Variants in SLC35F5 observed in about 807,000 individuals in gnomAD.
SLC35F5 encodes HCV NS5A-transactivated protein 3.
Under a neutral mutation model 68.6 loss-of-function variants are expected in SLC35F5, and 54 were observed. The ratio of observed to expected loss-of-function variants is 0.79; its 90% CI spans 0.63 to 0.99. The LOEUF is 0.99. Ranked by LOEUF, SLC35F5 falls within the 50% of genes least tolerant of loss-of-function variation. The pLI is 0.00. For synonymous variants in SLC35F5, 211 were observed against 205.2 expected (o/e 1.03, Z -0.24); for missense variants, 567 against 626.9 (o/e 0.90, Z 1.02).
chr2:113,718,083 C>A (rs1470540139), intron 14 of SLC35F5, among the ~76,000 whole-genome samples: 1 of 151,972 alleles, frequency 6.6e-6, no homozygotes, highest in African/African-American at 2.4e-5. Context: ...TACGGTCTCA[C>A]TTTTTGTTTT....
At chr2:113,722,448 C>T (rs1687482127) in intron 13 of SLC35F5, among the ~76,000 whole-genome samples, 1 of 152,046 alleles carries the variant, frequency 6.6e-6, no homozygotes, top group South Asian at 2.1e-4. Context: ...AGTTAAATGC[C>T]TACATATACT....
At chr2:113,718,851 A>G (rs1207214286) in intron 14 of SLC35F5, among the ~76,000 whole-genome samples, 1 of 147,012 alleles carries the variant, frequency 6.8e-6, no homozygotes, top group Non-Finnish European at 1.5e-5. Flanking sequence ...AGGAAAGAAA[A>G]AGAGAGAGAA....
intron 5 of SLC35F5, among the ~76,000 whole-genome samples, chr2:113,744,827 T>A (rs1291897085): frequency 3.3e-5 from 5 of 152,156 alleles, no homozygotes; most frequent in Non-Finnish European, 7.3e-5. Context: ...ACAAAACAAT[T>A]AAAGCCAGGT....
chr2:113,748,264 C>T (rs1676593196), intron 4 of SLC35F5, among the ~76,000 whole-genome samples: 2 of 152,158 alleles, frequency 1.3e-5, no homozygotes, highest in South Asian at 4.1e-4. Context: ...CTCCCGACTT[C>T]AAGCAATTCT....
In SLC35F5 at chr2:113,712,590, C is replaced by G. The variant is rs977820687; in HGVS notation, c.*2628G>C. On this transcript the variant is annotated 3_prime_UTR_variant, in exon 16 of 16. Coordinates refer to ENST00000245680, the MANE Select transcript of SLC35F5 (RefSeq NM_025181.5). ...TCGGCCTCCCAAAGTGCTGGGACTA[C>G]AGGCGTGAGCCACCACGCCCGGCCC... Among the ~76,000 whole-genome samples the G allele has an allele frequency of 6.6e-6, 1 of 152,220 alleles. No homozygotes were observed. Among genetic ancestry groups the G allele is most frequent in the African/African-American group, 2.4e-5 (1 of 41,460 alleles).
At chr2:113,722,927 G>C (rs1335609289) in intron 13 of SLC35F5, among the ~76,000 whole-genome samples, 177 bp downstream of exon 13, 3 of 152,138 alleles carry the variant, frequency 2.0e-5, no homozygotes, top group African/African-American at 7.2e-5. Context: ...GCTAAAAATG[G>C]AAATTATCTA....
At position 113,714,513 on chromosome 2, in the gene SLC35F5, CAT is replaced by C. The variant is rs529490443; in HGVS notation, c.*703_*704del. On this transcript the variant is annotated 3_prime_UTR_variant, in exon 16 of 16. Coordinates refer to ENST00000245680, the MANE Select transcript of SLC35F5 (RefSeq NM_025181.5). Reference sequence around the variant, plus strand: ...TACAGCAATATAGCCTTTAGAAATACATATTTCTTCATTTTATAATAATACTT... The same window carrying C: ...TACAGCAATATAGCCTTTAGAAATACATTTCTTCATTTTATAATAATACTT... The C allele has an allele frequency of 4.8e-4, 73 of 152,186 alleles. No homozygotes were observed. The highest frequency in any genetic ancestry group is 1.6e-3 in the African/African-American group (68 of 41,556). 9.4% of individuals were successfully genotyped at this position (152,186 alleles called of 1,614,324 possible).
chr2:113,737,249 T>C (rs1307061626), intron 7 of SLC35F5, among the ~76,000 whole-genome samples: 1 of 152,214 alleles, frequency 6.6e-6, no homozygotes, highest in South Asian at 2.1e-4. Context: ...CACATGATTG[T>C]AGAGCACTAC....
intron 3 of SLC35F5, among the ~76,000 whole-genome samples, chr2:113,752,119 G>A (rs777281247): frequency 5.3e-5 from 8 of 151,894 alleles, no homozygotes; most frequent in Non-Finnish European, 1.0e-4. Flanking sequence ...GGCTGAGGCA[G>A]GAGAATTGCT....
At chr2:113,750,387 AC>A in intron 4 of SLC35F5, 37 bp downstream of exon 4, 3 of 1,532,166 alleles carry the variant, frequency 2.0e-6, no homozygotes, top group Non-Finnish European at 2.6e-6. Flanking sequence ...ACGTATCTAT[AC>A]CCCCTTCCTA....
At chr2:113,728,981 C>T (rs1393465989) in intron 11 of SLC35F5, among the ~76,000 whole-genome samples, 1 of 152,192 alleles carries the variant, frequency 6.6e-6, no homozygotes, top group Non-Finnish European at 1.5e-5. Flanking sequence ...TACATAAGTA[C>T]ATAGACTGCG....
At chr2:113,741,648 C>T (rs113305058) in intron 7 of SLC35F5, among the ~76,000 whole-genome samples, 5 of 149,610 alleles carry the variant, frequency 3.3e-5, no homozygotes, top group African/African-American at 9.9e-5. Context: ...TTGTGGTGAG[C>T]TGAGATCGCG....
chr2:113,731,128 A>G (rs1315435215), intron 10 of SLC35F5, among the ~76,000 whole-genome samples: 1 of 152,212 alleles, frequency 6.6e-6, no homozygotes, highest in African/African-American at 2.4e-5. Context: ...ATGCAAATTG[A>G]GGAACATTCT....
chr2:113,703,358 G>A (rs1686733856), downstream of SLC35F5, among the ~76,000 whole-genome samples: 1 of 152,118 alleles, frequency 6.6e-6, no homozygotes, highest in Admixed American at 6.5e-5. Flanking sequence ...GAACAAATTA[G>A]CTTATGTAAA....
chr2:113,734,084 A>G (rs1378877926), intron 9 of SLC35F5, among the ~76,000 whole-genome samples: 1 of 152,276 alleles, frequency 6.6e-6, no homozygotes, highest in African/African-American at 2.4e-5. Flanking sequence ...ATATTTAAGT[A>G]TAGTTATCAG....
chr2:113,738,010 C>T (rs1268681941), intron 7 of SLC35F5, among the ~76,000 whole-genome samples: 1 of 152,026 alleles, frequency 6.6e-6, no homozygotes, highest in Admixed American at 6.6e-5. Context: ...AGGTATATAA[C>T]ATGATTTAAT....
At chr2:113,720,818 A>T (rs995188751) in intron 13 of SLC35F5, among the ~76,000 whole-genome samples, 5 of 152,194 alleles carry the variant, frequency 3.3e-5, no homozygotes, top group Admixed American at 3.3e-4. Context: ...AAACTTAATA[A>T]AGATAGATAA....
intron 7 of SLC35F5, chr2:113,742,395 G>T: frequency 2.2e-6 from 1 of 452,330 alleles, no homozygotes; most frequent in African/African-American, 2.0e-5. Flanking sequence ...TCATAATTTT[G>T]AGCATGAGGC....
chr2:113,756,406 C>T lies in SLC35F5; in HGVS notation c.4G>A (p.Val2Met). The T allele has an allele frequency of 6.4e-7, 1 of 1,559,200 alleles. No homozygotes were observed. The highest frequency in any genetic ancestry group is 1.2e-5 in the South Asian group (1 of 84,932). The part of the protein sequence containing the change: M[V>M]PPRRHRGAGR... The stretch of plus-strand genomic sequence containing the variant: ...GCCCCGCGATGGCGTCGTGGCGGCA[C>T]CATGAGCGGACCGGTCAGGCCCCGC... The change falls in exon 1 of 16, where the codon GTG becomes ATG. Residue 2 changes from valine to methionine, a missense_variant. Val to Met is a conservative substitution (Grantham distance 21). Transcript: ENST00000245680.
Sources: gnomAD v4.1 joint callset for allele counts (sites outside exome capture counted in the v4.1 genomes callset) on GRCh38, gnomAD v4.1.1 for gene constraint, MANE v1.5 for transcripts, NCBI Gene and HGNC (gene_info 2026-07-23, HGNC 2026-07-21) for gene names.